Variants in STARD13 observed in about 807,000 individuals in gnomAD.
STARD13 encodes stAR-related lipid transfer protein 13.
STARD13 carries 62 observed loss-of-function variants against 106.4 expected under a neutral mutation model. That is an observed-to-expected ratio of 0.58 (90% CI 0.48 to 0.72). The LOEUF (loss-of-function observed/expected upper bound fraction) is 0.72, where lower values mean the gene tolerates loss of function less well. STARD13 is among the 30% of genes least tolerant of loss of function. The pLI is 0.00. For missense variants in STARD13, 1,387 were observed against 1,424.0 expected, an observed-to-expected ratio of 0.97 and a Z score of 0.42; for synonymous variants, 565 against 553.0, an observed-to-expected ratio of 1.02 and a Z score of -0.31.
At chr13:33,166,250 G>T (rs1013355561) in intron 2 of STARD13, among the ~76,000 whole-genome samples, 18 of 152,164 alleles carry the variant, frequency 1.2e-4, no homozygotes, top group Non-Finnish European at 1.6e-4. Flanking sequence ...TCATGTGAGT[G>T]ACTTACAGAT....
rs141332232 is a variant in STARD13, at chr13:33,129,313, C to T, written c.1364G>A (p.Arg455Gln). 1.8e-3 allele frequency: 2,849 copies of T among 1,614,142 alleles called. 1 individual carries two copies. The highest frequency in any genetic ancestry group is 2.3e-3 in the Non-Finnish European group (2,658 of 1,180,018). The change falls in exon 5 of 14, where the codon CGA (arginine) becomes CAA (glutamine). Residue 455 changes from arginine (R) to glutamine (Q), a missense_variant. Arg to Gln is a conservative substitution (Grantham distance 43). Coordinates refer to ENST00000336934, the MANE Select transcript of STARD13 (RefSeq NM_178006.4). ...AGGGACATTGTCATAGATACTGACT[C>T]GGCTGGCTCTGTGGCAGGACGCCAT... ...RLMASCHRASRVSIYDNVPGS... is the reference protein window; with the variant it reads ...RLMASCHRASQVSIYDNVPGS...
intron 7 of STARD13, among the ~76,000 whole-genome samples, chr13:33,120,666 T>C (rs1159985629): frequency 1.3e-5 from 2 of 152,166 alleles, no homozygotes; most frequent in Non-Finnish European, 2.9e-5. Context: ...CAAATCAGAT[T>C]CCAGTTATAG....
At chr13:33,165,272 C>A in intron 3 of STARD13, 65 bp downstream of exon 3, 1 of 1,228,878 alleles carries the variant, frequency 8.1e-7, no homozygotes. Context: ...GCTCGCCCTT[C>A]AGTATAGTGA....
the STARD13 span, among the ~76,000 whole-genome samples, chr13:33,474,199 T>G: frequency 1.3e-5 from 2 of 152,318 alleles, no homozygotes; most frequent in East Asian, 3.9e-4. Flanking sequence ...ATGCTGCTGT[T>G]CTAACCAGAG....
the STARD13 span, among the ~76,000 whole-genome samples, chr13:33,364,812 C>T: frequency 6.6e-6 from 1 of 152,260 alleles, no homozygotes; most frequent in Admixed American, 6.5e-5. Context: ...TGGCGTGAAC[C>T]CGGGAGGCGG....
intron 1 of STARD13, 53 bp downstream of exon 1, chr13:33,285,417 T>C (rs2138414845): frequency 6.4e-7 from 1 of 1,563,454 alleles, no homozygotes; most frequent in Non-Finnish European, 8.7e-7. Flanking sequence ...TAGCATGAAA[T>C]AGAGCCAACA....
At position 33,110,624 on chromosome 13, in the gene STARD13, C is replaced by T. The variant is rs1332064822; in HGVS notation, c.2829+62G>A. 8 of 1,454,928 alleles carry T rather than the reference C, an allele frequency of 5.5e-6. No homozygotes were observed. In the East Asian group the frequency reaches 1.8e-4, roughly 33 times the overall value. 90.1% of individuals were successfully genotyped at this position (1,454,928 alleles called of 1,614,324 possible). A position where few individuals can be genotyped will look rare whatever the true frequency, so the allele number is the denominator to read the frequency against. ...ACAGCAGCTGTTTTCAATGCAAAAA[C>T]AAATGTCTGATTGTTAGCTGTGGCT... On this transcript the variant is annotated intron_variant, in intron 11 of 13. Coordinates refer to ENST00000336934, the MANE Select transcript of STARD13 (RefSeq NM_178006.4).
At chr13:33,494,343 T>C in the STARD13 span, among the ~76,000 whole-genome samples, 1 of 150,178 alleles carries the variant, frequency 6.7e-6, no homozygotes, top group Non-Finnish European at 1.5e-5. Flanking sequence ...TTTCCTCACC[T>C]GACTAGTCTA....
chr13:33,356,926 C>G, the STARD13 span, among the ~76,000 whole-genome samples: 1 of 152,170 alleles, frequency 6.6e-6, no homozygotes, highest in Non-Finnish European at 1.5e-5. Flanking sequence ...TTTAATATCC[C>G]TAAACATAGA....
At chr13:33,676,163 T>C in the STARD13 span, among the ~76,000 whole-genome samples, 1 of 152,184 alleles carries the variant, frequency 6.6e-6, no homozygotes, top group Admixed American at 6.5e-5. Flanking sequence ...ATTTTTCACA[T>C]CTTACAGAGC....
chr13:33,536,587 T>C, the STARD13 span, among the ~76,000 whole-genome samples: 2,544 of 152,228 alleles, frequency 0.017, 72 homozygotes, highest in African/African-American at 0.056. Flanking sequence ...GAGGTGACAA[T>C]AAAAACTGAA....
intron 1 of STARD13, among the ~76,000 whole-genome samples, chr13:33,335,723 C>G (rs180842872): frequency 6.6e-6 from 1 of 152,262 alleles, no homozygotes; most frequent in African/African-American, 2.4e-5. Flanking sequence ...CAGCTACATT[C>G]GCCAAGCCTC....
At chr13:33,631,962 A>G in the STARD13 span, among the ~76,000 whole-genome samples, 6 of 152,204 alleles carry the variant, frequency 3.9e-5, no homozygotes, top group East Asian at 9.6e-4. Flanking sequence ...TAAAAATTTA[A>G]ATAGAGTTTA....
chr13:33,168,609 G>A (rs909056418), intron 1 of STARD13, among the ~76,000 whole-genome samples: 4 of 152,086 alleles, frequency 2.6e-5, no homozygotes, highest in East Asian at 1.9e-4. Flanking sequence ...CCTTTCCTCC[G>A]CTGTTAGGAT....
rs902362018 is a variant in STARD13, at chr13:33,145,671, G to A, written c.324-3298C>T. ...AAAAATTGTGGTATATCCATACAAT[G>A]GAATACTCAACAATTCAAGGCACTA... On this transcript the variant is annotated intron_variant, in intron 3 of 13. Coordinates refer to ENST00000336934, the MANE Select transcript of STARD13 (RefSeq NM_178006.4). 2.0e-5 allele frequency among the ~76,000 whole-genome samples: 3 copies of A among 152,020 alleles called. No individual in the cohort carries two copies. In the East Asian group the frequency reaches 5.8e-4, roughly 29 times the overall value.
At chr13:33,559,740 C>T in the STARD13 span, among the ~76,000 whole-genome samples, 1 of 151,374 alleles carries the variant, frequency 6.6e-6, no homozygotes, top group Admixed American at 6.6e-5. Flanking sequence ...GCCTGTAGTC[C>T]CAGCTACTTG....
At chr13:33,159,338 A>G (rs1241500828) in intron 3 of STARD13, among the ~76,000 whole-genome samples, 1 of 152,178 alleles carries the variant, frequency 6.6e-6, no homozygotes, top group Non-Finnish European at 1.5e-5. Flanking sequence ...TGTCTGGAAG[A>G]TGCTTTCTGT....
At chr13:33,460,718 T>C in the STARD13 span, among the ~76,000 whole-genome samples, 42 of 151,976 alleles carry the variant, frequency 2.8e-4, no homozygotes, top group Admixed American at 3.3e-4. Context: ...TAAAGCATCA[T>C]GTAGAATCAA....
At chr13:33,160,537 A>G (rs746260594) in intron 3 of STARD13, among the ~76,000 whole-genome samples, 55 of 152,196 alleles carry the variant, frequency 3.6e-4, no homozygotes, top group Non-Finnish European at 7.2e-4. Context: ...TACAAAACAC[A>G]TTTCTGACAA....
Sources: gnomAD v4.1 joint callset for allele counts (sites outside exome capture counted in the v4.1 genomes callset) on GRCh38, gnomAD v4.1.1 for gene constraint, MANE v1.5 for transcripts, NCBI Gene and HGNC (gene_info 2026-07-23, HGNC 2026-07-21) for gene names.